Variants in OPCML observed in about 807,000 individuals in gnomAD.
The protein encoded by OPCML is opioid binding protein/cell adhesion molecule like, also known as opioid-binding protein/cell adhesion molecule.
A neutral mutation model predicts 37.8 loss-of-function variants in OPCML; 13 were observed. The ratio of observed to expected loss-of-function variants is 0.34; its 90% CI spans 0.22 to 0.55. OPCML has a LOEUF of 0.55. Ranked by LOEUF, OPCML falls within the 20% of genes least tolerant of loss-of-function variation. The probability of loss-of-function intolerance (pLI) is 0.91; values close to 1 mark genes in which losing one functional copy is unlikely to be tolerated. For synonymous variants in OPCML, 176 were observed against 168.8 expected, an observed-to-expected ratio of 1.04 and a Z score of -0.33; for missense variants, 341 against 435.6, an observed-to-expected ratio of 0.78 and a Z score of 1.93.
At chr11:132,698,805 T>C (rs1943699174) in intron 2 of OPCML, among the ~76,000 whole-genome samples, 3 of 152,088 alleles carry the variant, frequency 2.0e-5, no homozygotes, top group Non-Finnish European at 1.5e-5. Flanking sequence ...ATGATTTTCA[T>C]ATATATATAG....
chr11:133,112,310 A>G (rs63294363), intron 1 of OPCML, among the ~76,000 whole-genome samples: 8 of 91,382 alleles, frequency 8.8e-5, no homozygotes, highest in South Asian at 3.6e-4. Context: ...AAAAAAAAAA[A>G]GGGGAAAGAA....
chr11:132,713,918 A>G (rs1944366682), intron 2 of OPCML, among the ~76,000 whole-genome samples: 1 of 152,246 alleles, frequency 6.6e-6, no homozygotes, highest in African/African-American at 2.4e-5. Flanking sequence ...GCAAAGGTGT[A>G]ATAGACAAAA....
intron 1 of OPCML, among the ~76,000 whole-genome samples, chr11:133,285,789 C>T (rs1418682773): frequency 6.6e-6 from 1 of 152,160 alleles, no homozygotes; most frequent in Non-Finnish European, 1.5e-5. Flanking sequence ...TCTCTCCTAA[C>T]TAATGGAAGC....
chr11:133,282,250 G>C (rs1942179091), intron 1 of OPCML, among the ~76,000 whole-genome samples: 1 of 152,148 alleles, frequency 6.6e-6, no homozygotes. Flanking sequence ...GGTTTCAGGA[G>C]CCAGGTCCAA....
chr11:132,436,610 A>C (rs1402550967), intron 6 of OPCML, 49 bp downstream of exon 6: 1 of 1,604,530 alleles, frequency 6.2e-7, no homozygotes, highest in Non-Finnish European at 8.5e-7. Context: ...ATGTGGGGAT[A>C]GACCATCAGC....
At chr11:132,541,444 T>C (rs2096356207) in intron 3 of OPCML, among the ~76,000 whole-genome samples, 1 of 152,106 alleles carries the variant, frequency 6.6e-6, no homozygotes, top group African/African-American at 2.4e-5. Context: ...TAAATGAATA[T>C]AAAAGGGTTT....
At chr11:132,430,619 C>T (rs1381995201) in intron 7 of OPCML, among the ~76,000 whole-genome samples, 1 of 152,088 alleles carries the variant, frequency 6.6e-6, no homozygotes, top group Admixed American at 6.5e-5. Context: ...GGAGCGTTTT[C>T]CTTTTTCACT....
At chr11:132,434,616 T>C (rs907653767) in intron 7 of OPCML, among the ~76,000 whole-genome samples, 1 of 152,184 alleles carries the variant, frequency 6.6e-6, no homozygotes, top group Non-Finnish European at 1.5e-5. Flanking sequence ...GTTAATAACC[T>C]GCCTTGCACA....
chr11:133,117,842 AAT>A, intron 1 of OPCML: 10 of 983,396 alleles, frequency 1.0e-5, no homozygotes, highest in Non-Finnish European at 1.2e-5. Context: ...TAATACCAAT[AAT>A]AACTGATTCT....
At chr11:132,938,494 G>A (rs1397316148) in intron 2 of OPCML, among the ~76,000 whole-genome samples, 1 of 152,234 alleles carries the variant, frequency 6.6e-6, no homozygotes, top group Non-Finnish European at 1.5e-5. Flanking sequence ...AGTATTGTCA[G>A]TTGTTATTGA....
chr11:132,718,190 T>C, intron 2 of OPCML, among the ~76,000 whole-genome samples: 1 of 152,206 alleles, frequency 6.6e-6, no homozygotes. Context: ...CTTGGTGCGC[T>C]GTCTCTGTAC....
At chr11:132,525,542 AT>A in intron 4 of OPCML, among the ~76,000 whole-genome samples, 1 of 152,328 alleles carries the variant, frequency 6.6e-6, no homozygotes, top group African/African-American at 2.4e-5. Flanking sequence ...TTCCAAAAAA[AT>A]GCTGTTTGAT....
chr11:132,504,315 C>T (rs2096251804), intron 4 of OPCML, among the ~76,000 whole-genome samples: 2 of 151,854 alleles, frequency 1.3e-5, no homozygotes, highest in South Asian at 4.1e-4. Flanking sequence ...AAAAGGGAGG[C>T]CGAGCAGCCA....
chr11:133,354,767 A>G (rs1329971760), intron 1 of OPCML, among the ~76,000 whole-genome samples: 1 of 152,222 alleles, frequency 6.6e-6, no homozygotes, highest in African/African-American at 2.4e-5. Flanking sequence ...GTTGTTGCAA[A>G]GTAACACAGC....
chr11:132,965,618 T>C (rs532798736), intron 1 of OPCML, among the ~76,000 whole-genome samples: 1 of 152,270 alleles, frequency 6.6e-6, no homozygotes, highest in South Asian at 2.1e-4. Flanking sequence ...CTGCAATTTC[T>C]GCCTCCTGAG....
chr11:133,139,076 A>G (rs777891155), intron 1 of OPCML, among the ~76,000 whole-genome samples: 3 of 152,236 alleles, frequency 2.0e-5, no homozygotes, highest in Non-Finnish European at 4.4e-5. Context: ...CAGATATGCC[A>G]TAAATGATTG....
intron 1 of OPCML, among the ~76,000 whole-genome samples, chr11:132,949,554 C>A (rs1945815575): frequency 6.6e-6 from 1 of 152,196 alleles, no homozygotes; most frequent in Non-Finnish European, 1.5e-5. Context: ...TTGCTTGTGG[C>A]AGGACATTAT....
chr11:133,439,432 C>G, intron 1 of OPCML: 2 of 984,988 alleles, frequency 2.0e-6, no homozygotes, highest in Non-Finnish European at 2.4e-6. Flanking sequence ...ATGAGGCCAA[C>G]CTAACTCTTT....
chr11:132,545,271 T>C (rs1373566045), intron 3 of OPCML, among the ~76,000 whole-genome samples: 1 of 152,206 alleles, frequency 6.6e-6, no homozygotes, highest in East Asian at 1.9e-4. Context: ...GAATATTTTT[T>C]CTTCATTTAT....
Sources: allele counts gnomAD v4.1 joint callset (sites outside exome capture counted in the v4.1 genomes callset), GRCh38; gene constraint gnomAD v4.1.1; transcripts MANE v1.5; gene names NCBI Gene and HGNC (gene_info 2026-07-23, HGNC 2026-07-21).